PDE1C: variants seen among roughly 807,000 people sequenced by gnomAD.
PDE1C encodes the protein dual specificity calcium/calmodulin-dependent 3',5'-cyclic nucleotide phosphodiesterase 1C.
PDE1C carries 62 observed loss-of-function variants against 93.1 expected under a neutral mutation model. That is an observed-to-expected ratio of 0.67 (90% CI 0.54 to 0.82). The LOEUF (loss-of-function observed/expected upper bound fraction) is 0.82, where lower values mean the gene tolerates loss of function less well. Among genes scored for constraint, PDE1C ranks in the 40% least tolerant of loss-of-function variants. The pLI, the probability that PDE1C is intolerant of heterozygous loss-of-function variation, is 0.00. For synonymous variants in PDE1C, 325 were observed against 310.1 expected (o/e 1.05, Z -0.50); for missense variants, 742 against 884.6 (o/e 0.84, Z 2.04).
intron 1 of PDE1C, among the ~76,000 whole-genome samples, chr7:32,295,364 A>G (rs73308516): frequency 3.3e-5 from 5 of 152,124 alleles, no homozygotes; most frequent in African/African-American, 1.2e-4. Flanking sequence ...TTTGAATCCA[A>G]CTCTGCCACC....
chr7:31,946,855 A>AT (rs565393083), intron 2 of PDE1C, among the ~76,000 whole-genome samples: 1 of 152,044 alleles, frequency 6.6e-6, no homozygotes, highest in East Asian at 1.9e-4. Flanking sequence ...TGTGTGTGTG[A>AT]TTTTTTTCCT....
intron 1 of PDE1C, among the ~76,000 whole-genome samples, chr7:32,294,766 AC>A (rs1302848981): frequency 6.6e-6 from 1 of 152,182 alleles, no homozygotes; most frequent in Non-Finnish European, 1.5e-5. Flanking sequence ...CCAATCATTC[AC>A]TTCATATGCA....
the PDE1C span, among the ~76,000 whole-genome samples, chr7:31,708,778 C>T: frequency 1.3e-5 from 2 of 152,262 alleles, no homozygotes; most frequent in Middle Eastern, 3.4e-3. Flanking sequence ...TCCCGTTTGC[C>T]ATATGCCCCA....
At position 32,022,963 on chromosome 7, in the gene PDE1C, CTT is replaced by C. The variant is rs113917693; in HGVS notation, c.128+28589_128+28590del. On this transcript the variant is annotated intron_variant, in intron 2 of 17. Transcript: ENST00000396191. Reference sequence around the variant, plus strand: ...ATTTTGCTTTCTTTACCTTCTATTTCTTTTTTTTTTTTTTAACATTTAAAAGC... The same window carrying C: ...ATTTTGCTTTCTTTACCTTCTATTTCTTTTTTTTTTTTAACATTTAAAAGC... Among the ~76,000 whole-genome samples the C allele has an allele frequency of 1.3e-3, 183 of 144,518 alleles. 1 individual carries two copies. In the East Asian group the frequency reaches 0.023, roughly 18 times the overall value. The allele number at this position is 144,518 out of a possible 152,430, so 94.8% of individuals were successfully genotyped here.
intron 2 of PDE1C, among the ~76,000 whole-genome samples, chr7:32,014,359 T>C (rs1277870686): frequency 2.0e-5 from 3 of 152,226 alleles, no homozygotes; most frequent in Non-Finnish European, 2.9e-5. Context: ...AGCAGTAGTT[T>C]CTGAAAAAGT....
chr7:31,714,506 G>A, the PDE1C span, among the ~76,000 whole-genome samples: 341 of 152,208 alleles, frequency 2.2e-3, no homozygotes, highest in African/African-American at 7.8e-3. Context: ...CCACACTTTC[G>A]GGTGTCTTTT....
At chr7:31,867,938 C>T (rs769186462) in intron 6 of PDE1C, among the ~76,000 whole-genome samples, 5 of 152,232 alleles carry the variant, frequency 3.3e-5, no homozygotes, top group African/African-American at 9.6e-5. Context: ...ACTGCTGACA[C>T]GGTTTACAGC....
upstream of PDE1C, among the ~76,000 whole-genome samples, chr7:32,074,143 A>G (rs1796221812): frequency 2.0e-5 from 3 of 152,226 alleles, no homozygotes; most frequent in African/African-American, 7.2e-5. Flanking sequence ...CACTGTCAGA[A>G]TTAAGTATCA....
At chr7:32,305,050 G>A (rs1371411073) in intron 1 of PDE1C, among the ~76,000 whole-genome samples, 3 of 152,126 alleles carry the variant, frequency 2.0e-5, no homozygotes, top group Non-Finnish European at 4.4e-5. Flanking sequence ...GAGACCGGAC[G>A]TTCTAGGTCT....
the PDE1C span, among the ~76,000 whole-genome samples, chr7:31,622,899 C>T: frequency 7.2e-5 from 11 of 151,902 alleles, no homozygotes; most frequent in East Asian, 3.9e-4. Context: ...CTCAAATAGA[C>T]ACAATAAAAA....
At position 32,033,220 on chromosome 7, in the gene PDE1C, T is replaced by C. The variant is rs550681025; in HGVS notation, c.128+18334A>G. Among the ~76,000 whole-genome samples the C allele has an allele frequency of 3.3e-5, 5 of 152,202 alleles. No homozygotes were observed. In the East Asian group the frequency reaches 9.7e-4, roughly 30 times the overall value. ...GAGGCGTGATGCTCTGTGGTGCATT[T>C]GCTATCTCTTTGTGACTCATCCACA... On this transcript the variant is annotated intron_variant, in intron 2 of 17. Transcript: ENST00000396191.
intron 1 of PDE1C, among the ~76,000 whole-genome samples, chr7:32,266,915 G>C (rs1177856362): frequency 6.6e-6 from 1 of 151,618 alleles, no homozygotes; most frequent in Non-Finnish European, 1.5e-5. Flanking sequence ...GGCGGGGTGG[G>C]GGGGTGCGCT....
At chr7:32,383,790 C>G (rs923275773) in intron 1 of PDE1C, among the ~76,000 whole-genome samples, 2 of 152,160 alleles carry the variant, frequency 1.3e-5, no homozygotes, top group African/African-American at 4.8e-5. Flanking sequence ...TGGAAAGGGT[C>G]CAAGCTTTGG....
chr7:31,856,156 G>A (rs780608627), intron 7 of PDE1C, among the ~76,000 whole-genome samples: 6 of 152,134 alleles, frequency 3.9e-5, no homozygotes, highest in South Asian at 2.1e-4. Flanking sequence ...GATTCTCTAC[G>A]TGTCTTACAA....
intron 1 of PDE1C, among the ~76,000 whole-genome samples, chr7:32,425,697 T>A (rs1232177570): frequency 6.6e-6 from 1 of 152,174 alleles, no homozygotes; most frequent in African/African-American, 2.4e-5. Flanking sequence ...GGTGCAGCAC[T>A]TTTGGAGACC....
At position 31,850,725 on chromosome 7, in the gene PDE1C, A is replaced by T. The variant is rs1342025563; in HGVS notation, c.767T>A (p.Leu256Gln). The stretch of plus-strand genomic sequence containing the variant: ...TGAGAAGATTATAGCAAAGATCTCC[A>T]GCTCCGTCAGCCAGTTCTGAAAGGA... ...KTGVANWLTE[L>Q]EIFAIIFSAA... is the part of the protein sequence containing the mutation. Residue 256 changes from leucine (L) to glutamine (Q), a missense_variant, in exon 8 of 18, where the codon CTG (leucine) becomes CAG (glutamine). Physicochemically the swap from Leu to Gln is moderately radical, Grantham distance 113. Around this residue, in one of 4 missense-constraint regions of PDE1C, gnomAD observed 205 missense variants for 295.3 expected, o/e 0.69. Transcript: ENST00000396191. 2 of 1,612,102 alleles carry T rather than the reference A, an allele frequency of 1.2e-6. No homozygotes were observed. Among genetic ancestry groups the T allele is most frequent in the African/African-American group, 1.3e-5 (1 of 74,868 alleles).
At chr7:32,237,788 T>C (rs1460464866) in intron 1 of PDE1C, among the ~76,000 whole-genome samples, 1 of 78,618 alleles carries the variant, frequency 1.3e-5, no homozygotes, top group African/African-American at 4.9e-5. Flanking sequence ...TTTTTTTTTT[T>C]AGACAGAGTC....
the PDE1C span, among the ~76,000 whole-genome samples, chr7:31,714,117 C>T: frequency 1.3e-5 from 2 of 152,278 alleles, no homozygotes; most frequent in African/African-American, 4.8e-5. Context: ...ATGCATTTCC[C>T]TTTTAAAACT....
the PDE1C span, among the ~76,000 whole-genome samples, chr7:31,691,711 T>C: frequency 2.0e-5 from 3 of 150,662 alleles, no homozygotes; most frequent in South Asian, 6.3e-4. Context: ...AACCCAGATT[T>C]TCTCCTACCA....
Sources: allele counts gnomAD v4.1 joint callset (sites outside exome capture counted in the v4.1 genomes callset), GRCh38; gene constraint gnomAD v4.1.1; regional missense constraint gnomAD v4.1.1; transcripts MANE v1.5; gene names NCBI Gene and HGNC (gene_info 2026-07-23, HGNC 2026-07-21).